The following MAST1 variants were observed in gnomAD, a reference collection of about 807,000 sequenced individuals.
MAST1 encodes the protein microtubule associated serine/threonine kinase 1, also known as microtubule-associated serine/threonine-protein kinase 1.
In MAST1, 40 loss-of-function variants were observed where a neutral mutation model predicts 124.6. The ratio of observed to expected loss-of-function variants is 0.32; its 90% CI spans 0.25 to 0.42. The LOEUF is 0.42. Ranked by LOEUF, MAST1 falls within the 10% of genes least tolerant of loss-of-function variation. The probability of loss-of-function intolerance (pLI) is 1.00; values close to 1 mark genes in which losing one functional copy is unlikely to be tolerated. For synonymous variants in MAST1, 938 were observed against 939.4 expected, an observed-to-expected ratio of 1.00 and a Z score of 0.03; for missense variants, 1,558 against 2,181.9, an observed-to-expected ratio of 0.71 and a Z score of 5.70.
In MAST1 at chr19:12,841,472, G is replaced by C. The variant is rs1969827224; in HGVS notation, c.248+406G>C. On this transcript the variant is annotated intron_variant, in intron 3 of 25. Coordinates refer to ENST00000251472, the MANE Select transcript of MAST1 (RefSeq NM_014975.3). The surrounding 1 kb of genome is among the most constrained non-coding windows in gnomAD (Gnocchi z 4.3). Reference sequence around the variant, plus strand: ...TCCCCGAGGTGGGGGAGGACGACTAGGGCTGTTTCTCAAGGGGAGGAATCT... The same window carrying C: ...TCCCCGAGGTGGGGGAGGACGACTACGGCTGTTTCTCAAGGGGAGGAATCT... Among the ~76,000 whole-genome samples the C allele has an allele frequency of 6.6e-6, 1 of 152,270 alleles. No homozygotes were observed. The highest frequency in any genetic ancestry group is 1.5e-5 in the Non-Finnish European group (1 of 68,046).
At position 12,847,616 on chromosome 19, in the gene MAST1, G is replaced by A. The variant is rs941063436; in HGVS notation, c.493G>A (p.Gly165Arg). 2 of 1,613,960 alleles carry A rather than the reference G, an allele frequency of 1.2e-6. No homozygotes were observed. Among genetic ancestry groups the A allele is most frequent in the African/African-American group, 2.7e-5 (2 of 74,914 alleles). ...AATGGGCTTCTCTCCCCGCAGCCCC[G>A]GGCGCTCCCCCTCCTCCTACGACAA... ...VRPRSRSLSP[G>R]RSPSSYDNEI... The change falls in exon 6 of 26, where the codon GGG becomes AGG. Residue 165 changes from glycine to arginine, a missense_variant. This residue lies in a region of MAST1 where 165 missense variants were observed against 315.3 expected (regional missense o/e 0.52). Transcript: ENST00000251472. The surrounding 1 kb of genome is among the most constrained non-coding windows in gnomAD (Gnocchi z 5.5).
At position 12,874,868 on chromosome 19, in the gene MAST1, T is replaced by C. The variant is rs1288878142; in HGVS notation, c.4711T>C (p.Ter1571GlnextTer?). Residue 1571 changes from the stop codon to glutamine, a stop_lost, in exon 26 of 26, where the codon TAG becomes CAG. Coordinates refer to ENST00000251472, the MANE Select transcript of MAST1 (RefSeq NM_014975.3). The surrounding 1 kb of genome is among the most constrained non-coding windows in gnomAD (Gnocchi z 6.6). ...GTCCAGTCCCGCACCCCCGGGACCA[T>C]AGCCAAGGGGGTCATCGGCCCCGCG... ...GVSSPAPPGP* is the reference protein window; with the variant it reads ...GVSSPAPPGPQ 6.3e-7 allele frequency: 1 copy of C among 1,597,180 alleles called. No homozygotes were observed.
At position 12,871,144 on chromosome 19, in the gene MAST1, C is replaced by T; in HGVS notation, c.3235C>T (p.Arg1079Ter). The T allele has an allele frequency of 6.2e-7, 1 of 1,614,126 alleles. No individual in the cohort carries two copies. The highest frequency in any genetic ancestry group is 8.5e-7 in the Non-Finnish European group (1 of 1,180,020). Reference sequence around the variant, plus strand: ...GGCTAAAATGGCTCGGAGGAACAAGCGACCCTCCGCCAAGGAGGGCCAGGA... The same window carrying T: ...GGCTAAAATGGCTCGGAGGAACAAGTGACCCTCCGCCAAGGAGGGCCAGGA... ...YKAKMARRNK[R>*]PSAKEGQESK... The change falls in exon 24 of 26, where the codon CGA becomes TGA. Residue 1079 changes from arginine (R) to a stop codon, truncating the protein, a stop_gained. Coordinates refer to ENST00000251472, the MANE Select transcript of MAST1 (RefSeq NM_014975.3). LOFTEE classifies it high-confidence loss of function.
At position 12,851,457 on chromosome 19, in the gene MAST1, C is replaced by T. The variant is rs1375711539; in HGVS notation, c.775-477C>T. 2.1e-5 allele frequency among the ~76,000 whole-genome samples: 3 copies of T among 141,882 alleles called. No homozygotes were observed. The Admixed American group carries it at 2.1e-4, about 10-fold the overall frequency. 93.1% of individuals were successfully genotyped at this position (141,882 alleles called of 152,430 possible). A position where few individuals can be genotyped will look rare whatever the true frequency, so the allele number is the denominator to read the frequency against. Reference sequence around the variant, plus strand: ...TTTATTATTTGTAGAGACAGGGTCTCGCTATGGTTTTGTTGTTTGTTTGTT... The same window carrying T: ...TTTATTATTTGTAGAGACAGGGTCTTGCTATGGTTTTGTTGTTTGTTTGTT... On this transcript the variant is annotated intron_variant, in intron 7 of 25. Transcript: ENST00000251472.
intron 7 of MAST1, among the ~76,000 whole-genome samples, chr19:12,850,507 G>A (rs540475866): frequency 1.3e-5 from 2 of 152,202 alleles, no homozygotes; most frequent in Non-Finnish European, 2.9e-5. Flanking sequence ...ATTATTTTAA[G>A]TTTACATATT....
chr19:12,874,395 G>T lies in MAST1; in HGVS notation c.4238G>T (p.Ser1413Ile). ...MARAVAKAALSPVQEHETGRR... is the reference protein window; with the variant it reads ...MARAVAKAALIPVQEHETGRR... The stretch of plus-strand genomic sequence containing the variant: ...AGGGCTGTGGCCAAGGCGGCGCTGA[G>T]CCCGGTGCAGGAACACGAGACAGGC... The change falls in exon 26 of 26, where the codon AGC becomes ATC. Residue 1413 changes from serine to isoleucine, a missense_variant. By Grantham distance (142) the Ser-to-Ile change is moderately radical. Transcript: ENST00000251472. This position sits in a 1 kb window ranked among gnomAD's most constrained non-coding sequence, Gnocchi z 6.6. 2 of 1,598,770 alleles carry T rather than the reference G, an allele frequency of 1.3e-6. No individual in the cohort carries two copies. The highest frequency in any genetic ancestry group is 1.7e-6 in the Non-Finnish European group (2 of 1,179,176).
intron 1 of MAST1, among the ~76,000 whole-genome samples, chr19:12,839,454 A>AT (rs1969801093): frequency 6.6e-6 from 1 of 152,218 alleles, no homozygotes; most frequent in Non-Finnish European, 1.5e-5. Flanking sequence ...GTCACAACAC[A>AT]CGATGTCATA....
rs769062300 is a variant in MAST1 at position 12,847,592 on chromosome 19, A to G, written c.489-20A>G. On this transcript the variant is annotated intron_variant, in intron 5 of 25. Coordinates refer to ENST00000251472, the MANE Select transcript of MAST1 (RefSeq NM_014975.3). The surrounding 1 kb of genome is among the most constrained non-coding windows in gnomAD (Gnocchi z 5.5). ...GCTTGGAGGCAGAGGACTCGACAAA[A>G]TGGGCTTCTCTCCCCGCAGCCCCGG... The G allele has an allele frequency of 1.2e-6, 2 of 1,613,770 alleles. No homozygotes were observed. The highest frequency in any genetic ancestry group is 2.2e-5 in the East Asian group (1 of 44,878).
chr19:12,856,984 G>A (rs1970024464), intron 10 of MAST1, among the ~76,000 whole-genome samples: 1 of 152,318 alleles, frequency 6.6e-6, no homozygotes, highest in African/African-American at 2.4e-5. Context: ...TTTGCCCATA[G>A]AGGATATCAG....
intron 4 of MAST1, among the ~76,000 whole-genome samples, chr19:12,845,485 G>A (rs1802538033): frequency 6.7e-6 from 1 of 148,856 alleles, no homozygotes; most frequent in South Asian, 2.1e-4. Flanking sequence ...TCAGGAGGCT[G>A]AGATGGAAAG....
At chr19:12,844,941 T>TA (rs924695070) in intron 4 of MAST1, among the ~76,000 whole-genome samples, 14 of 151,972 alleles carry the variant, frequency 9.2e-5, no homozygotes, top group African/African-American at 2.9e-4. Context: ...GCACACTAAT[T>TA]AAAAAAATAA....
chr19:12,846,085 C>T (rs1969891515), intron 4 of MAST1, among the ~76,000 whole-genome samples: 1 of 152,120 alleles, frequency 6.6e-6, no homozygotes, highest in African/African-American at 2.4e-5. Context: ...TGGTGTAGTC[C>T]CAGCTACACA....
chr19:12,865,485 C>G lies in MAST1; in HGVS notation c.1804+4C>G. Reference sequence around the variant, plus strand: ...CTATTTGGACAGGTCATCAGTGGTACGTGGCTTGGCAGTGTACAGGGGCAG... The same window carrying G: ...CTATTTGGACAGGTCATCAGTGGTAGGTGGCTTGGCAGTGTACAGGGGCAG... On this transcript the variant is annotated splice_donor_region_variant and intron_variant, in intron 15 of 25. Transcript: ENST00000251472. The surrounding 1 kb of genome is among the most constrained non-coding windows in gnomAD (Gnocchi z 7.1). 6.4e-7 allele frequency: 1 copy of G among 1,573,250 alleles called. No individual in the cohort carries two copies. The highest frequency in any genetic ancestry group is 8.6e-7 in the Non-Finnish European group (1 of 1,160,756).
intron 10 of MAST1, 77 bp from the exon 11 acceptor site, chr19:12,858,285 C>T (rs1970040419): frequency 7.9e-7 from 1 of 1,268,948 alleles, no homozygotes; most frequent in Non-Finnish European, 1.1e-6. Flanking sequence ...CTCAGTTTCC[C>T]CATGTGTAAA....
Position 12,865,257 on chromosome 19 carries a change from A to T in MAST1, c.1639-59A>T. 6.3e-7 allele frequency: 1 copy of T among 1,584,534 alleles called. No individual in the cohort carries two copies. Among genetic ancestry groups the T allele is most frequent in the Non-Finnish European group, 8.6e-7 (1 of 1,164,496 alleles). On this transcript the variant is annotated intron_variant, in intron 14 of 25. Transcript: ENST00000251472. The surrounding 1 kb of genome is among the most constrained non-coding windows in gnomAD (Gnocchi z 7.1). ...GGGAACCCAGGGCCTGGTGGGGGGC[A>T]CAGCTCTCCCTTGAGGGCCCTCCTC...
In MAST1 at chr19:12,865,518, T is replaced by TGTGCAC. The variant is rs1202449414; in HGVS notation, c.1804+39_1804+44dup. Reference sequence around the variant, plus strand: ...GGCAGTGTACAGGGGCAGAGTGTGGTGTGCACGGAGAGATGGACAGGCTCA... The same window carrying TGTGCAC: ...GGCAGTGTACAGGGGCAGAGTGTGGTGTGCACGTGCACGGAGAGATGGACAGGCTCA... On this transcript the variant is annotated intron_variant, in intron 15 of 25. Transcript: ENST00000251472. This position sits in a 1 kb window ranked among gnomAD's most constrained non-coding sequence, Gnocchi z 7.1. The TGTGCAC allele has an allele frequency of 1.3e-6, 2 of 1,544,894 alleles. No homozygotes were observed. Among genetic ancestry groups the TGTGCAC allele is most frequent in the African/African-American group, 2.7e-5 (2 of 72,790 alleles).
intron 20 of MAST1, 135 bp downstream of exon 20, chr19:12,868,112 T>C (rs1970183635): frequency 2.2e-6 from 2 of 888,956 alleles, no homozygotes; most frequent in Non-Finnish European, 3.0e-6. Flanking sequence ...GATTTTTTTT[T>C]TTTTTTTTTT....
In MAST1 at chr19:12,842,011, T is replaced by G. The variant is rs531227004; in HGVS notation, c.248+945T>G. Among the ~76,000 whole-genome samples the G allele has an allele frequency of 1.7e-3, 258 of 151,738 alleles. 1 individual carries two copies. Among genetic ancestry groups the G allele is most frequent in the African/African-American group, 6.1e-3 (251 of 41,334 alleles). On this transcript the variant is annotated intron_variant, in intron 3 of 25. Coordinates refer to ENST00000251472, the MANE Select transcript of MAST1 (RefSeq NM_014975.3). ...GAAGGGAGGAGTCCAATAAATGGGG[T>G]GTGTGTGTGTCCTTGTAACTGTGCA...
At chr19:12,846,280 T>G (rs1292752565) in intron 4 of MAST1, among the ~76,000 whole-genome samples, 1 of 152,004 alleles carries the variant, frequency 6.6e-6, no homozygotes, top group Non-Finnish European at 1.5e-5. Context: ...CTCAAACTCC[T>G]GGGCTCAAAT....
Sources: allele counts gnomAD v4.1 joint callset (sites outside exome capture counted in the v4.1 genomes callset), GRCh38; gene constraint gnomAD v4.1.1; regional missense constraint gnomAD v4.1.1; non-coding constraint Gnocchi (gnomAD v3.1); transcripts MANE v1.5; gene names NCBI Gene and HGNC (gene_info 2026-07-23, HGNC 2026-07-21).